NELL1: variants seen among roughly 807,000 people sequenced by gnomAD.
NELL1 encodes protein kinase C-binding protein NELL1.
Under a neutral mutation model 107.4 loss-of-function variants are expected in NELL1, and 76 were observed. The observed-to-expected ratio is 0.71, with a 90% CI of 0.59 to 0.86. The LOEUF is 0.86. NELL1 is among the 40% of genes least tolerant of loss of function. The pLI, the probability that NELL1 is intolerant of heterozygous loss-of-function variation, is 0.00. For missense variants in NELL1, 1,024 were observed against 1,005.5 expected, an observed-to-expected ratio of 1.02 and a Z score of -0.25; for synonymous variants, 353 against 341.2, an observed-to-expected ratio of 1.03 and a Z score of -0.38.
intron 4 of NELL1, among the ~76,000 whole-genome samples, chr11:20,851,143 A>C (rs1360132604): frequency 6.6e-6 from 1 of 152,196 alleles, no homozygotes; most frequent in Non-Finnish European, 1.5e-5. Context: ...AAAATCGAGA[A>C]GAAATTTCCC....
intron 3 of NELL1, among the ~76,000 whole-genome samples, chr11:20,844,523 A>G (rs1318663046): frequency 1.3e-5 from 2 of 152,094 alleles, no homozygotes; most frequent in African/African-American, 2.4e-5. Context: ...AAAGACCCCA[A>G]TACACCTGAG....
chr11:21,278,007 C>T (rs927256045), intron 14 of NELL1, among the ~76,000 whole-genome samples: 3 of 151,796 alleles, frequency 2.0e-5, no homozygotes, highest in African/African-American at 7.3e-5. Flanking sequence ...ATGTAACTAA[C>T]CTGCACGTTG....
At chr11:21,198,017 CTT>C (rs1187371841) in intron 13 of NELL1, among the ~76,000 whole-genome samples, 1 of 152,186 alleles carries the variant, frequency 6.6e-6, no homozygotes. Context: ...GCTTGTATCT[CTT>C]TGATATCCGG....
chr11:21,561,165 G>A (rs1433924224), intron 17 of NELL1, among the ~76,000 whole-genome samples: 4 of 152,002 alleles, frequency 2.6e-5, no homozygotes, highest in African/African-American at 9.7e-5. Context: ...TGAGCTTTAT[G>A]TGCATGGGAA....
intron 3 of NELL1, among the ~76,000 whole-genome samples, chr11:20,825,356 C>G (rs1039622336): frequency 6.6e-6 from 1 of 151,174 alleles, no homozygotes; most frequent in Non-Finnish European, 1.5e-5. Context: ...CTACCGACAT[C>G]TTGTGCCATG....
At position 21,127,377 on chromosome 11, in the gene NELL1, T is replaced by C. The variant is rs139823004; in HGVS notation, c.1426+13663T>C. Among the ~76,000 whole-genome samples, 3 of 152,212 alleles carry C rather than the reference T, an allele frequency of 2.0e-5. No homozygotes were observed. In the East Asian group the frequency reaches 5.8e-4, roughly 29 times the overall value. On this transcript the variant is annotated intron_variant, in intron 13 of 19. Coordinates refer to ENST00000357134, the MANE Select transcript of NELL1 (RefSeq NM_006157.5). ...TTGGGTGGCCTAAGTGGGAGAATCA[T>C]TGAGGCTAGGCATTCAAAACCAGCC...
At chr11:20,753,690 G>A (rs114930709) in intron 2 of NELL1, among the ~76,000 whole-genome samples, 179 of 152,326 alleles carry the variant, frequency 1.2e-3, no homozygotes, top group African/African-American at 3.7e-3. Context: ...AGTGTTGGAT[G>A]TAACCTGCAT....
chr11:20,760,666 A>G (rs566593579), intron 2 of NELL1, among the ~76,000 whole-genome samples: 30 of 152,332 alleles, frequency 2.0e-4, no homozygotes, highest in African/African-American at 7.2e-4. Flanking sequence ...TCTATCAGGC[A>G]AGACCTTGAG....
chr11:21,397,534 A>G (rs956658188), intron 15 of NELL1, among the ~76,000 whole-genome samples: 2 of 151,656 alleles, frequency 1.3e-5, no homozygotes, highest in African/African-American at 2.4e-5. Flanking sequence ...TGAAAAATAC[A>G]TATTGTATTA....
chr11:20,705,285 C>A (rs1055409460), intron 2 of NELL1, among the ~76,000 whole-genome samples: 1 of 152,114 alleles, frequency 6.6e-6, no homozygotes, highest in African/African-American at 2.4e-5. Flanking sequence ...CTACAGTAAC[C>A]AAAACAGCAT....
chr11:21,240,200 T>A (rs1197197750), intron 14 of NELL1, among the ~76,000 whole-genome samples: 1 of 152,090 alleles, frequency 6.6e-6, no homozygotes, highest in East Asian at 1.9e-4. Flanking sequence ...CTACGTATTT[T>A]AGATGAACTG....
chr11:20,987,713 A>G (rs1851881446), intron 12 of NELL1, among the ~76,000 whole-genome samples: 1 of 152,228 alleles, frequency 6.6e-6, no homozygotes, highest in Admixed American at 6.5e-5. Flanking sequence ...GGGTGGGGAC[A>G]TAGCCAAACC....
chr11:20,720,684 G>A (rs1855360116), intron 2 of NELL1, among the ~76,000 whole-genome samples: 2 of 152,072 alleles, frequency 1.3e-5, no homozygotes, highest in African/African-American at 4.8e-5. Context: ...CTGTTATGGG[G>A]CTCTCTCCCT....
intron 17 of NELL1, 122 bp downstream of exon 17, chr11:21,560,504 T>C (rs1054686576): frequency 4.7e-5 from 39 of 824,476 alleles, no homozygotes; most frequent in Middle Eastern, 3.6e-4. Context: ...CTTCTCCTGT[T>C]CTTATCTACA....
intron 15 of NELL1, among the ~76,000 whole-genome samples, chr11:21,414,831 A>G (rs758437912): frequency 5.3e-5 from 8 of 152,062 alleles, no homozygotes; most frequent in African/African-American, 7.2e-5. Context: ...ACCTGTTTCA[A>G]TGCAGGACTT....
chr11:20,831,254 A>T (rs2134037061), intron 3 of NELL1, among the ~76,000 whole-genome samples: 1 of 152,308 alleles, frequency 6.6e-6, no homozygotes, highest in Admixed American at 6.5e-5. Context: ...CCTGCAAACC[A>T]GCAGCAAGAC....
chr11:20,760,111 G>A (rs1344389526), intron 2 of NELL1, among the ~76,000 whole-genome samples: 2 of 152,174 alleles, frequency 1.3e-5, no homozygotes, highest in Admixed American at 1.3e-4. Flanking sequence ...AGAACATATA[G>A]CGGCTATATG....
intron 14 of NELL1, among the ~76,000 whole-genome samples, chr11:21,329,651 T>A (rs925132916): frequency 6.6e-6 from 1 of 152,186 alleles, no homozygotes; most frequent in African/African-American, 2.4e-5. Context: ...ATAAGCCTTT[T>A]TAAAGTACAC....
intron 14 of NELL1, among the ~76,000 whole-genome samples, chr11:21,346,328 C>T (rs1338847413): frequency 1.3e-5 from 2 of 151,884 alleles, no homozygotes; most frequent in Non-Finnish European, 2.9e-5. Flanking sequence ...TCCCACCAGC[C>T]CCAACCCCAC....
Sources: allele counts gnomAD v4.1 joint callset (sites outside exome capture counted in the v4.1 genomes callset), GRCh38; gene constraint gnomAD v4.1.1; transcripts MANE v1.5; gene names NCBI Gene and HGNC (gene_info 2026-07-23, HGNC 2026-07-21).